The following ZNF770 variants were observed in gnomAD, a reference collection of about 807,000 sequenced individuals.
ZNF770 encodes zinc finger protein 770.
A neutral mutation model predicts 44.8 loss-of-function variants in ZNF770; 13 were observed. The observed-to-expected ratio is 0.29, with a 90% CI of 0.19 to 0.46. ZNF770 has a LOEUF of 0.46. Ranked by LOEUF, ZNF770 falls within the 20% of genes least tolerant of loss-of-function variation. ZNF770 has a pLI of 1.00. For synonymous variants in ZNF770, 304 were observed against 271.8 expected (o/e 1.12, Z -1.17); for missense variants, 681 against 797.9 (o/e 0.85, Z 1.77).
At chr15:34,984,991 G>A (rs1158707659) in intron 2 of ZNF770, among the ~76,000 whole-genome samples, 1 of 152,058 alleles carries the variant, frequency 6.6e-6, no homozygotes. Flanking sequence ...AAATTAGCCA[G>A]GCGTGGTAGT....
intron 1 of ZNF770, among the ~76,000 whole-genome samples, 183 bp downstream of exon 1, chr15:34,987,932 CT>C (rs934047028): frequency 3.2e-4 from 49 of 152,322 alleles, no homozygotes; most frequent in African/African-American, 1.1e-3. Context: ...ACTGCTTTGG[CT>C]GCAGCCAGGA....
At chr15:34,984,303 T>C (rs1240079028) in intron 2 of ZNF770, among the ~76,000 whole-genome samples, 1 of 152,226 alleles carries the variant, frequency 6.6e-6, no homozygotes, top group Non-Finnish European at 1.5e-5. Context: ...CCTTATCGTC[T>C]TAGTAACATT....
chr15:34,979,329 C>A lies in ZNF770; in HGVS notation c.*2030G>T. ...ATTTCAAACATATTAAGGAGAAAAC[C>A]TTGAACATTATTGGAAAATATAAAC... On this transcript the variant is annotated 3_prime_UTR_variant, in exon 3 of 3. Coordinates refer to ENST00000356321, the MANE Select transcript of ZNF770 (RefSeq NM_014106.4). 1 of 160,340 alleles carries A rather than the reference C, an allele frequency of 6.2e-6. No homozygotes were observed. Among genetic ancestry groups the A allele is most frequent in the Non-Finnish European group, 1.4e-5 (1 of 72,584 alleles). The allele number at this position is 160,340 out of a possible 1,614,324, so 9.9% of individuals were successfully genotyped here.
chr15:34,981,654 T>C lies in ZNF770; in HGVS notation c.1781A>G (p.Gln594Arg), dbSNP rs2050402629. 6.2e-7 allele frequency: 1 copy of C among 1,614,170 alleles called. No individual in the cohort carries two copies. Among genetic ancestry groups the C allele is most frequent in the Non-Finnish European group, 8.5e-7 (1 of 1,180,034 alleles). The change falls in exon 3 of 3, where the codon CAA (glutamine) becomes CGA (arginine). Residue 594 changes from glutamine to arginine, a missense_variant. Physicochemically the swap from Gln to Arg is conservative, Grantham distance 43 (BLOSUM62 1). Transcript: ENST00000356321. ...CAAAAGTACATTAGGAAGACAGGGT[T>C]GCCCGGTGCTACCAGGAATAAAATC... Reference protein sequence around the residue: ...SQDFIPGSTGQPCLPNVLLES... With the variant: ...SQDFIPGSTGRPCLPNVLLES...
chr15:34,986,266 T>C (rs1482601545), intron 2 of ZNF770, among the ~76,000 whole-genome samples: 1 of 152,114 alleles, frequency 6.6e-6, no homozygotes, highest in African/African-American at 2.4e-5. Flanking sequence ...GCCACATAAA[T>C]CCACGCAAAA....
In ZNF770 at chr15:34,982,067, T is replaced by C; in HGVS notation, c.1368A>G (p.Val456=). 1 of 1,613,792 alleles carries C rather than the reference T, an allele frequency of 6.2e-7. No homozygotes were observed. Among genetic ancestry groups the C allele is most frequent in the Non-Finnish European group, 8.5e-7 (1 of 1,180,014 alleles). Residue 456 remains valine, a synonymous_variant, in exon 3 of 3, where the codon GTA becomes GTG. Transcript: ENST00000356321. ...SGEEFFNNCE[V]LQCGFSVPRE... ...TTGGAACTGAAAAACCACACTGAAG[T>C]ACCTCACAGTTATTAAAGAATTCCT... is the stretch of plus-strand genomic sequence containing the variant.
Position 34,978,353 on chromosome 15 carries a change from A to G in ZNF770, c.*3006T>C. On this transcript the variant is annotated 3_prime_UTR_variant, in exon 3 of 3. Coordinates refer to ENST00000356321, the MANE Select transcript of ZNF770 (RefSeq NM_014106.4). ...AAAAAGGCCAAACTGTGTAACTTGG[A>G]ACTTTATTTTTAAAGTATTCTGAAA... 1 of 142,712 alleles carries G rather than the reference A, an allele frequency of 7.0e-6. No individual in the cohort carries two copies. The highest frequency in any genetic ancestry group is 1.5e-5 in the Non-Finnish European group (1 of 67,288). 8.8% of individuals were successfully genotyped at this position (142,712 alleles called of 1,614,324 possible). A position where few individuals can be genotyped will look rare whatever the true frequency, so the allele number is the denominator to read the frequency against.
Position 34,980,857 on chromosome 15 carries a change from CAAA to C in ZNF770, c.*499_*501del, listed in dbSNP as rs35830261. The C allele has an allele frequency of 0.012, 1,530 of 129,372 alleles. 29 individuals carry two copies. The highest frequency in any genetic ancestry group is 0.036 in the African/African-American group (1,408 of 38,866). The allele number at this position is 129,372 out of a possible 1,614,324, so 8.0% of individuals were successfully genotyped here. ...GTGTCTCTGTAGTTTTTTTAACTTA[CAAA>C]AAAAAAAAAAAAATTACCAATGCAA... On this transcript the variant is annotated 3_prime_UTR_variant, in exon 3 of 3. Coordinates refer to ENST00000356321, the MANE Select transcript of ZNF770 (RefSeq NM_014106.4).
intron 2 of ZNF770, among the ~76,000 whole-genome samples, chr15:34,987,298 G>A (rs934500944): frequency 6.6e-6 from 1 of 152,206 alleles, no homozygotes; most frequent in Non-Finnish European, 1.5e-5. Context: ...TAGATTGTTA[G>A]AACCATTAGT....
In ZNF770 at chr15:34,981,560, G is replaced by C; in HGVS notation, c.1875C>G (p.Tyr625Ter). The C allele has an allele frequency of 6.2e-7, 1 of 1,614,130 alleles. No homozygotes were observed. The highest frequency in any genetic ancestry group is 8.5e-7 in the Non-Finnish European group (1 of 1,180,020). The change falls in exon 3 of 3, where the codon TAC (tyrosine) becomes TAG (stop). Residue 625 changes from tyrosine (Y) to a stop codon, truncating the protein, a stop_gained. Transcript: ENST00000356321. LOFTEE classifies it high-confidence loss of function. The part of the protein sequence containing the change: ...EHQEKNDVFL[Y>*]RCSVCAKSFR... ...AACTTTTAGCACAAACACTGCATCG[G>C]TACAGGAAGACATCATTTTTCTCCT...
rs1281088872 is a variant in ZNF770 at position 34,987,589 on chromosome 15, A to C, written c.-89T>G. On this transcript the variant is annotated 5_prime_UTR_variant, in exon 2 of 3. Transcript: ENST00000356321. ...ATATCCAATGTTGCCTCAAGGCTGA[A>C]AGCCTGTTGATTTTCTTGTCTTGAC... 3 of 152,244 alleles carry C rather than the reference A, an allele frequency of 2.0e-5. No individual in the cohort carries two copies. Among genetic ancestry groups the C allele is most frequent in the Non-Finnish European group, 4.4e-5 (3 of 68,046 alleles). 9.4% of individuals were successfully genotyped at this position (152,244 alleles called of 1,614,324 possible). A position where few individuals can be genotyped will look rare whatever the true frequency, so the allele number is the denominator to read the frequency against.
intron 2 of ZNF770, among the ~76,000 whole-genome samples, chr15:34,985,892 C>CA (rs887535610): frequency 2.0e-5 from 3 of 150,894 alleles, no homozygotes; most frequent in African/African-American, 7.3e-5. Flanking sequence ...GCAAGACTCT[C>CA]AAAAAAAATT....
In ZNF770 at chr15:34,979,668, C is replaced by A. The variant is rs1384776340; in HGVS notation, c.*1691G>T. On this transcript the variant is annotated 3_prime_UTR_variant, in exon 3 of 3. Coordinates refer to ENST00000356321, the MANE Select transcript of ZNF770 (RefSeq NM_014106.4). Reference sequence around the variant, plus strand: ...CCCCCACCTACTATCCCTCCCGCCTCCCCCCTGTCAAAAGAAAGTTCTCAG... The same window carrying A: ...CCCCCACCTACTATCCCTCCCGCCTACCCCCTGTCAAAAGAAAGTTCTCAG... The A allele has an allele frequency of 8.9e-6, 4 of 447,324 alleles. 1 individual carries two copies. Among genetic ancestry groups the A allele is most frequent in the Admixed American group, 4.9e-5 (2 of 40,574 alleles). The allele number at this position is 447,324 out of a possible 1,614,324, so 27.7% of individuals were successfully genotyped here.
intron 2 of ZNF770, among the ~76,000 whole-genome samples, chr15:34,986,477 T>C (rs965844762): frequency 9.2e-5 from 14 of 152,212 alleles, no homozygotes; most frequent in African/African-American, 3.4e-4. Flanking sequence ...AATTAAGTCA[T>C]GAATCCAGTG....
Position 34,982,124 on chromosome 15 carries a change from C to T in ZNF770, c.1311G>A (p.Lys437=). The part of the protein sequence containing the change: ...NILSIDNSVN[K]KDLSICGSSG... ...ATGAACCACAGATTGACAAGTCTTTCTTATTCACTGAATTATCAATGCTTA... is the reference window on the plus strand; with the variant it reads ...ATGAACCACAGATTGACAAGTCTTTTTTATTCACTGAATTATCAATGCTTA... Residue 437 remains lysine, a synonymous_variant, in exon 3 of 3, where the codon AAG becomes AAA. Coordinates refer to ENST00000356321, the MANE Select transcript of ZNF770 (RefSeq NM_014106.4). 6.2e-7 allele frequency: 1 copy of T among 1,614,064 alleles called. No individual in the cohort carries two copies. Among genetic ancestry groups the T allele is most frequent in the Non-Finnish European group, 8.5e-7 (1 of 1,179,998 alleles).
chr15:34,985,418 A>C (rs1054986456), intron 2 of ZNF770, among the ~76,000 whole-genome samples: 2 of 152,216 alleles, frequency 1.3e-5, no homozygotes, highest in Non-Finnish European at 2.9e-5. Flanking sequence ...AGATACCTTC[A>C]ACCCCAAATC....
Position 34,981,665 on chromosome 15 carries a change from A to G in ZNF770, c.1770T>C (p.Gly590=), listed in dbSNP as rs151315389. ...VKAESQDFIP[G]STGQPCLPNV... is the part of the protein sequence containing the mutation. ...TAGGAAGACAGGGTTGCCCGGTGCT[A>G]CCAGGAATAAAATCCTGTGACTCTG... is the stretch of plus-strand genomic sequence containing the variant. Residue 590 remains glycine (G), a synonymous_variant, in exon 3 of 3, where the codon GGT becomes GGC. Transcript: ENST00000356321. 2.0e-5 allele frequency: 32 copies of G among 1,614,008 alleles called. No individual in the cohort carries two copies. Among genetic ancestry groups the G allele is most frequent in the Non-Finnish European group, 2.4e-5 (28 of 1,180,040 alleles).
In ZNF770 at chr15:34,981,575, A is replaced by G. The variant is rs769495850; in HGVS notation, c.1860T>C (p.Asn620=). The part of the protein sequence containing the change: ...FCSYSEHQEK[N]DVFLYRCSVC... Reference sequence around the variant, plus strand: ...CACTGCATCGGTACAGGAAGACATCATTTTTCTCCTGATGCTCTGAATAAC... The same window carrying G: ...CACTGCATCGGTACAGGAAGACATCGTTTTTCTCCTGATGCTCTGAATAAC... Residue 620 remains asparagine (N), a synonymous_variant, in exon 3 of 3, where the codon AAT becomes AAC. Coordinates refer to ENST00000356321, the MANE Select transcript of ZNF770 (RefSeq NM_014106.4). 9.9e-6 allele frequency: 16 copies of G among 1,614,026 alleles called. No homozygotes were observed. In the East Asian group the frequency reaches 3.1e-4, roughly 31 times the overall value.
Position 34,982,254 on chromosome 15 carries a change from G to A in ZNF770, c.1181C>T (p.Thr394Ile). The A allele has an allele frequency of 6.2e-7, 1 of 1,613,842 alleles. No individual in the cohort carries two copies. The highest frequency in any genetic ancestry group is 1.3e-5 in the African/African-American group (1 of 75,016). The change falls in exon 3 of 3, where the codon ACA (threonine) becomes ATA (isoleucine). Residue 394 changes from threonine to isoleucine, a missense_variant. Coordinates refer to ENST00000356321, the MANE Select transcript of ZNF770 (RefSeq NM_014106.4). Reference protein sequence around the residue: ...TFVGSLGKHGTYKTIGNRKKK... With the variant: ...TFVGSLGKHGIYKTIGNRKKK... The stretch of plus-strand genomic sequence containing the variant: ...CTTTCTATTGCCAATTGTTTTATAT[G>A]TTCCATGTTTGCCAAGAGAACCCAC...
Sources: allele counts gnomAD v4.1 joint callset (sites outside exome capture counted in the v4.1 genomes callset), GRCh38; gene constraint gnomAD v4.1.1; transcripts MANE v1.5; gene names NCBI Gene and HGNC (gene_info 2026-07-23, HGNC 2026-07-21).